Variants in LINGO1 observed in about 807,000 individuals in gnomAD.
LINGO1 encodes leucine-rich repeat and immunoglobulin-like domain-containing nogo receptor-interacting protein 1.
In LINGO1, 11 loss-of-function variants were observed where a neutral mutation model predicts 37.3. The observed-to-expected ratio is 0.29, with a 90% confidence interval of 0.19 to 0.49. LINGO1 has a LOEUF of 0.49. Among genes scored for constraint, LINGO1 ranks in the 20% least tolerant of loss-of-function variants. The pLI is 0.99. For missense variants in LINGO1, 585 were observed against 878.2 expected (o/e 0.67, Z 4.22); for synonymous variants, 387 against 403.0 (o/e 0.96, Z 0.48).
chr15:77,661,490 T>C (rs2074992281), intron 3 of LINGO1, among the ~76,000 whole-genome samples: 1 of 152,114 alleles, frequency 6.6e-6, no homozygotes, highest in Admixed American at 6.5e-5. Context: ...TGGGTCTCAG[T>C]TTGGATATCT....
At chr15:77,652,496 G>GTGTA (rs911876328) in intron 3 of LINGO1, among the ~76,000 whole-genome samples, 7 of 148,362 alleles carry the variant, frequency 4.7e-5, no homozygotes, top group African/African-American at 1.7e-4. Context: ...GTGTGTGTGT[G>GTGTA]TGTGTGTGTG....
chr15:77,680,265 T>A (rs1237336859), intron 2 of LINGO1, among the ~76,000 whole-genome samples: 2 of 152,204 alleles, frequency 1.3e-5, no homozygotes, highest in East Asian at 1.9e-4. Flanking sequence ...GGGCATGGAA[T>A]GTGAGTTCAT....
At chr15:77,700,145 T>C (rs969637204), upstream of LINGO1, among the ~76,000 whole-genome samples, 1 of 152,148 alleles carries the variant, frequency 6.6e-6, no homozygotes, top group Non-Finnish European at 1.5e-5. Flanking sequence ...CCTTGGCAGA[T>C]TGGCCTCCTG....
intron 2 of LINGO1, among the ~76,000 whole-genome samples, chr15:77,716,385 A>G (rs1025537042): frequency 1.4e-5 from 2 of 146,574 alleles, no homozygotes; most frequent in African/African-American, 4.9e-5. Context: ...GGCTCAATCA[A>G]TCCTCCCATC....
At chr15:77,744,473 G>A (rs2076293886) in intron 1 of LINGO1, among the ~76,000 whole-genome samples, 1 of 152,176 alleles carries the variant, frequency 6.6e-6, no homozygotes, top group African/African-American at 2.4e-5. Context: ...GGTTGAGGCT[G>A]CACTGCGCCG....
chr15:77,794,046 C>A (rs2076838329), intron 2 of LINGO1, among the ~76,000 whole-genome samples: 1 of 152,146 alleles, frequency 6.6e-6, no homozygotes, highest in Non-Finnish European at 1.5e-5. Flanking sequence ...ATCTCCCCGC[C>A]CACTGAGCTC....
intron 3 of LINGO1, among the ~76,000 whole-genome samples, chr15:77,670,495 G>T (rs752983131): frequency 6.6e-6 from 1 of 152,040 alleles, no homozygotes; most frequent in African/African-American, 2.4e-5. Flanking sequence ...TGGGAGGGTG[G>T]GGCCCTACCC....
intron 1 of LINGO1, among the ~76,000 whole-genome samples, chr15:77,769,774 G>A (rs371798857): frequency 1.3e-5 from 2 of 152,322 alleles, no homozygotes; most frequent in East Asian, 1.9e-4. Context: ...TGGAAAAGGA[G>A]ACGGGGAGGG....
chr15:77,662,475 C>T (rs947844617), intron 3 of LINGO1, among the ~76,000 whole-genome samples: 7 of 152,144 alleles, frequency 4.6e-5, no homozygotes, highest in African/African-American at 1.7e-4. Context: ...ACCCCACCCT[C>T]ACCTTCTCTC....
intron 3 of LINGO1, among the ~76,000 whole-genome samples, chr15:77,652,967 G>A (rs1410829979): frequency 1.3e-5 from 2 of 152,182 alleles, no homozygotes. Flanking sequence ...GGCCACACAG[G>A]GTGGATGGAT....
At chr15:77,817,277 G>T (rs2077056469) in intron 1 of LINGO1, among the ~76,000 whole-genome samples, 1 of 152,318 alleles carries the variant, frequency 6.6e-6, no homozygotes, top group East Asian at 1.9e-4. Context: ...TGGGCCACCT[G>T]GGGAGGAAGT....
At chr15:77,802,029 G>A (rs1314986501) in intron 1 of LINGO1, among the ~76,000 whole-genome samples, 3 of 152,216 alleles carry the variant, frequency 2.0e-5, no homozygotes, top group Non-Finnish European at 4.4e-5. Context: ...AGGAAAGGGG[G>A]CTTCAAGGCT....
chr15:77,750,194 G>A (rs2141364929), intron 1 of LINGO1, among the ~76,000 whole-genome samples: 1 of 151,642 alleles, frequency 6.6e-6, no homozygotes, highest in East Asian at 2.0e-4. Context: ...ATCCACCCCT[G>A]AGCTGGGCCC....
chr15:77,695,118 T>A (rs957886899), intron 1 of LINGO1, among the ~76,000 whole-genome samples: 1 of 152,178 alleles, frequency 6.6e-6, no homozygotes, highest in East Asian at 1.9e-4. Flanking sequence ...ATTAAAGAAC[T>A]TGTCCAAATT....
At chr15:77,704,213 T>C (rs1463863007) in intron 2 of LINGO1, among the ~76,000 whole-genome samples, 1 of 152,146 alleles carries the variant, frequency 6.6e-6, no homozygotes, top group East Asian at 1.9e-4. Flanking sequence ...AGAGGTGGCA[T>C]CAGTCTTGAG....
chr15:77,805,764 G>A (rs1359773827), intron 1 of LINGO1, among the ~76,000 whole-genome samples: 1 of 152,170 alleles, frequency 6.6e-6, no homozygotes, highest in Non-Finnish European at 1.5e-5. Context: ...GGCTCCAAGG[G>A]CCACAAGAAG....
At chr15:77,652,483 A>AGAGT (rs1555525720) in intron 3 of LINGO1, among the ~76,000 whole-genome samples, 13 of 128,878 alleles carry the variant, frequency 1.0e-4, no homozygotes, top group Admixed American at 3.8e-4. Flanking sequence ...GGGGAGGGAG[A>AGAGT]GTGTGTGTGT....
At chr15:77,692,798 C>T (rs142863216) in intron 1 of LINGO1, among the ~76,000 whole-genome samples, 228 of 152,322 alleles carry the variant, frequency 1.5e-3, no homozygotes, top group Admixed American at 3.3e-3. Flanking sequence ...GTGCTCCAGC[C>T]GCCAGCAAGT....
At chr15:77,776,505 GCA>G (rs1567577644) in intron 1 of LINGO1, among the ~76,000 whole-genome samples, 72 of 81,522 alleles carry the variant, frequency 8.8e-4, no homozygotes, top group African/African-American at 3.0e-3. Flanking sequence ...AGGCAGGAAG[GCA>G]GGAAGGCAGG....
Sources: gnomAD v4.1 joint callset for allele counts (sites outside exome capture counted in the v4.1 genomes callset) on GRCh38, gnomAD v4.1.1 for gene constraint, MANE v1.5 for transcripts, NCBI Gene and HGNC (gene_info 2026-07-23, HGNC 2026-07-21) for gene names.